The following PAMR1 variants were observed in gnomAD, a reference collection of about 807,000 sequenced individuals.
PAMR1 encodes inactive serine protease PAMR1.
PAMR1 carries 88 observed loss-of-function variants against 81.8 expected under a neutral mutation model. The observed-to-expected ratio is 1.08, with a 90% CI of 0.91 to 1.28. The LOEUF is 1.28. Among genes scored for constraint, PAMR1 ranks in the 50% most tolerant of loss-of-function variants. PAMR1 has a pLI of 0.00. For missense variants in PAMR1, 935 were observed against 919.7 expected, an observed-to-expected ratio of 1.02 and a Z score of -0.21; for synonymous variants, 336 against 345.3, an observed-to-expected ratio of 0.97 and a Z score of 0.30.
At position 35,434,812 on chromosome 11, in the gene PAMR1, G is replaced by T. The variant is rs998552957; in HGVS notation, c.1334-8C>A. 1.2e-6 allele frequency: 2 copies of T among 1,610,190 alleles called. No homozygotes were observed. The highest frequency in any genetic ancestry group is 1.7e-6 in the Non-Finnish European group (2 of 1,176,920). On this transcript the variant is annotated splice_region_variant and splice_polypyrimidine_tract_variant and intron_variant, in intron 9 of 10. Coordinates refer to ENST00000619888, the MANE Select transcript of PAMR1 (RefSeq NM_001001991.3). ...TCTCAATTTTCCCGCAGACTATGGA[G>T]AAAGTACCAGCTTAGTAAGATAAAC...
chr11:35,436,213 G>T, intron 8 of PAMR1, 78 bp from the exon 9 acceptor site: 1 of 836,624 alleles, frequency 1.2e-6, no homozygotes. Context: ...TTCATGCCAT[G>T]TCCCATGTAG....
At chr11:35,523,566 A>C (rs896977191) in intron 1 of PAMR1, among the ~76,000 whole-genome samples, 2 of 152,226 alleles carry the variant, frequency 1.3e-5, no homozygotes, top group African/African-American at 2.4e-5. Context: ...CTCTGGTACC[A>C]TCCCAGTGGA....
intron 1 of PAMR1, among the ~76,000 whole-genome samples, chr11:35,503,414 G>A (rs1010185934): frequency 1.3e-4 from 20 of 152,018 alleles, no homozygotes; most frequent in Admixed American, 8.5e-4. Flanking sequence ...GAGTTGCACT[G>A]AAGATTCAGT....
intron 2 of PAMR1, 95 bp downstream of exon 2, chr11:35,494,001 G>T (rs1850675060): frequency 1.0e-6 from 1 of 952,404 alleles, no homozygotes; most frequent in South Asian, 1.5e-5. Context: ...ACAGCCTCCT[G>T]ATGGCTGCCT....
chr11:35,520,217 A>G (rs629869), intron 1 of PAMR1, among the ~76,000 whole-genome samples: 1,571 of 152,216 alleles, frequency 0.01, 38 homozygotes, highest in African/African-American at 0.036. Flanking sequence ...TGCAACCCCT[A>G]CTTACTCCAC....
rs116627542 is a variant in PAMR1, at chr11:35,474,494, C to T, written c.494+136G>A. On this transcript the variant is annotated intron_variant, in intron 4 of 10. Coordinates refer to ENST00000619888, the MANE Select transcript of PAMR1 (RefSeq NM_001001991.3). ...GGCTGCAGTTTCAGCCAGGCCTTAT[C>T]CCAGAGAATCAGAGTGGTAAAGAGA... The T allele has an allele frequency of 1.9e-3, 1,003 of 536,080 alleles. 12 individuals are homozygous for T. Among genetic ancestry groups the T allele is most frequent in the African/African-American group, 0.018 (921 of 50,516 alleles). The allele number at this position is 536,080 out of a possible 1,614,324, so 33.2% of individuals were successfully genotyped here.
At position 35,446,948 on chromosome 11, in the gene PAMR1, GT is replaced by G. The variant is rs1464284037; in HGVS notation, c.821-5256del. Among the ~76,000 whole-genome samples, 14 of 152,234 alleles carry G rather than the reference GT, an allele frequency of 9.2e-5. No individual in the cohort carries two copies. In the South Asian group the frequency reaches 1.7e-3, roughly 18 times the overall value. Reference sequence around the variant, plus strand: ...CAATGGGGTGTTAAAGTCTCCCACTGTTTTTGTATGGGAGTGTAAGTCTCTT... The same window carrying G: ...CAATGGGGTGTTAAAGTCTCCCACTGTTTTGTATGGGAGTGTAAGTCTCTT... On this transcript the variant is annotated intron_variant, in intron 6 of 10. Transcript: ENST00000619888.
chr11:35,478,717 G>A (rs1850326743), intron 3 of PAMR1, among the ~76,000 whole-genome samples: 1 of 152,176 alleles, frequency 6.6e-6, no homozygotes, highest in African/African-American at 2.4e-5. Context: ...AGTATCGTTG[G>A]CCAACCTAGC....
rs114289252 is a variant in PAMR1, at chr11:35,492,719, G to A, written c.251-546C>T. 6.5e-3 allele frequency among the ~76,000 whole-genome samples: 983 copies of A among 152,190 alleles called. 13 individuals are homozygous for A. The highest frequency in any genetic ancestry group is 0.023 in the African/African-American group (943 of 41,510). On this transcript the variant is annotated intron_variant, in intron 2 of 10. Coordinates refer to ENST00000619888, the MANE Select transcript of PAMR1 (RefSeq NM_001001991.3). Reference sequence around the variant, plus strand: ...CCATATACTTCCGTAATGAAAGCATGCCATTGGAAACAACTCTCCTGTCTA... The same window carrying A: ...CCATATACTTCCGTAATGAAAGCATACCATTGGAAACAACTCTCCTGTCTA...
chr11:35,459,233 G>A (rs528484658), intron 6 of PAMR1, among the ~76,000 whole-genome samples: 2 of 152,274 alleles, frequency 1.3e-5, no homozygotes, highest in South Asian at 4.1e-4. Context: ...GTATTTGGAT[G>A]GCCTATTTAT....
At chr11:35,446,742 G>A (rs1001768201) in intron 6 of PAMR1, among the ~76,000 whole-genome samples, 2 of 152,158 alleles carry the variant, frequency 1.3e-5, no homozygotes, top group Non-Finnish European at 2.9e-5. Context: ...GCTGAGAAGT[G>A]TTTTACTTCC....
chr11:35,466,098 G>C (rs1280047981), intron 6 of PAMR1, among the ~76,000 whole-genome samples: 2 of 150,120 alleles, frequency 1.3e-5, no homozygotes, highest in Non-Finnish European at 3.0e-5. Flanking sequence ...TCAAAGTATT[G>C]TGTAATTCGT....
At chr11:35,479,482 T>A (rs1850343841) in intron 3 of PAMR1, among the ~76,000 whole-genome samples, 1 of 152,240 alleles carries the variant, frequency 6.6e-6, no homozygotes, top group South Asian at 2.1e-4. Context: ...GCTCAATAAG[T>A]GGCAACAAAT....
At chr11:35,445,378 T>C (rs1856268561) in intron 6 of PAMR1, among the ~76,000 whole-genome samples, 1 of 139,082 alleles carries the variant, frequency 7.2e-6, no homozygotes, top group Non-Finnish European at 1.6e-5. Flanking sequence ...CAGTACTGTG[T>C]TGAATAGGAG....
intron 9 of PAMR1, 47 bp from the exon 10 acceptor site, chr11:35,434,851 T>C (rs766754900): frequency 1.3e-6 from 2 of 1,571,236 alleles, no homozygotes; most frequent in South Asian, 1.2e-5. Flanking sequence ...GACTTTGCCA[T>C]CCAAAGGAGA....
At chr11:35,512,055 T>C (rs1851084038) in intron 1 of PAMR1, among the ~76,000 whole-genome samples, 1 of 152,216 alleles carries the variant, frequency 6.6e-6, no homozygotes, top group South Asian at 2.1e-4. Context: ...AACAGCATAC[T>C]GACAGCTGGA....
chr11:35,475,793 C>G (rs890552622), intron 3 of PAMR1, among the ~76,000 whole-genome samples: 2 of 152,108 alleles, frequency 1.3e-5, no homozygotes, highest in Admixed American at 1.3e-4. Flanking sequence ...TGTTTTTGGA[C>G]TATCATGGCA....
chr11:35,486,379 A>G (rs1373084337), intron 3 of PAMR1, among the ~76,000 whole-genome samples: 1 of 152,258 alleles, frequency 6.6e-6, no homozygotes, highest in Non-Finnish European at 1.5e-5. Flanking sequence ...TTTAAAAAAA[A>G]TCTCCTCTCT....
intron 3 of PAMR1, among the ~76,000 whole-genome samples, chr11:35,482,461 A>T (rs1449747483): frequency 6.6e-6 from 1 of 152,198 alleles, no homozygotes; most frequent in African/African-American, 2.4e-5. Flanking sequence ...GTTTGAAGTC[A>T]GGTAGTATGA....
Sources: gnomAD v4.1 joint callset for allele counts (sites outside exome capture counted in the v4.1 genomes callset) on GRCh38, gnomAD v4.1.1 for gene constraint, MANE v1.5 for transcripts, NCBI Gene and HGNC (gene_info 2026-07-23, HGNC 2026-07-21) for gene names.